The following CHAT variants were observed in gnomAD, a reference collection of about 807,000 sequenced individuals.
CHAT encodes acetyl CoA:choline O-acetyltransferase.
Under a neutral mutation model 76.9 loss-of-function variants are expected in CHAT, and 61 were observed. The observed-to-expected ratio is 0.79, with a 90% CI of 0.65 to 0.98. The LOEUF (loss-of-function observed/expected upper bound fraction) is 0.98, where lower values mean the gene tolerates loss of function less well. Among genes scored for constraint, CHAT ranks in the 50% least tolerant of loss-of-function variants. The pLI, the probability that CHAT is intolerant of heterozygous loss-of-function variation, is 0.00. For synonymous variants in CHAT, 407 were observed against 397.4 expected (o/e 1.02, Z -0.29); for missense variants, 946 against 986.9 (o/e 0.96, Z 0.56).
At chr10:49,634,329 C>T (rs59551969) in intron 7 of CHAT, among the ~76,000 whole-genome samples, 2,931 of 152,294 alleles carry the variant, frequency 0.019, 97 homozygotes, top group African/African-American at 0.065. Context: ...GATGGGCTGG[C>T]GCCTGGCACA....
intron 7 of CHAT, among the ~76,000 whole-genome samples, chr10:49,633,696 A>C (rs907977234): frequency 3.9e-5 from 6 of 152,154 alleles, no homozygotes; most frequent in Admixed American, 3.9e-4. Context: ...CGAGTCTGGG[A>C]GACTACAGCA....
At position 49,636,390 on chromosome 10, in the gene CHAT, T is replaced by C. The variant is rs532708770; in HGVS notation, c.1111+8605T>C. ...TGGTCATGGTGTATAATTCTTTTCA[T>C]ATATTGCTTAATTCTACCTGCTAAT... On this transcript the variant is annotated intron_variant, in intron 7 of 14. Transcript: ENST00000337653. Among the ~76,000 whole-genome samples, 5 of 152,332 alleles carry C rather than the reference T, an allele frequency of 3.3e-5. No individual in the cohort carries two copies. The East Asian group carries it at 9.6e-4, about 29-fold the overall frequency.
intron 10 of CHAT, 80 bp downstream of exon 10, chr10:49,649,716 G>C (rs1434593651): frequency 1.8e-5 from 28 of 1,548,804 alleles, no homozygotes; most frequent in South Asian, 4.5e-5. Flanking sequence ...AGGCTCCCTG[G>C]AAGTTTCCAA....
At position 49,664,781 on chromosome 10, in the gene CHAT, C is replaced by A; in HGVS notation, c.1982C>A (p.Pro661His). Residue 661 changes from proline (P) to histidine (H), a missense_variant, in exon 15 of 15, where the codon CCC becomes CAC. Physicochemically the swap from Pro to His is moderately conservative, Grantham distance 77. Transcript: ENST00000337653. ...CTGACCTGTCCTCTCCTCCAGGTGC[C>A]CACAACCACGGAGATGTTCTGCTGC... The part of the protein sequence containing the change: ...NRFVLSTSQV[P>H]TTTEMFCCYG... 6.2e-7 allele frequency: 1 copy of A among 1,614,182 alleles called. No homozygotes were observed. Among genetic ancestry groups the A allele is most frequent in the Non-Finnish European group, 8.5e-7 (1 of 1,180,034 alleles).
At chr10:49,619,446 G>T (rs1838616456) in intron 2 of CHAT, among the ~76,000 whole-genome samples, 1 of 152,216 alleles carries the variant, frequency 6.6e-6, no homozygotes, top group African/African-American at 2.4e-5. Flanking sequence ...GCTGGTCAGT[G>T]GCAGGGTCAG....
At chr10:49,632,376 C>T (rs973353255) in intron 7 of CHAT, among the ~76,000 whole-genome samples, 7 of 152,130 alleles carry the variant, frequency 4.6e-5, no homozygotes, top group African/African-American at 1.7e-4. Flanking sequence ...GCTGTTGGGG[C>T]TGAGGTGCTT....
At chr10:49,631,958 T>C (rs892934132) in intron 7 of CHAT, among the ~76,000 whole-genome samples, 1 of 142,670 alleles carries the variant, frequency 7.0e-6, no homozygotes, top group Non-Finnish European at 1.5e-5. Flanking sequence ...AGGGGGATGA[T>C]GGTTATTGGG....
chr10:49,618,709 A>C (rs1838587617), intron 2 of CHAT, among the ~76,000 whole-genome samples: 1 of 152,196 alleles, frequency 6.6e-6, no homozygotes, highest in Non-Finnish European at 1.5e-5. Flanking sequence ...GCTGCTGGTG[A>C]ACTGAGAGGC....
chr10:49,652,471 A>G (rs866076785), intron 11 of CHAT, among the ~76,000 whole-genome samples: 2 of 152,050 alleles, frequency 1.3e-5, no homozygotes, highest in African/African-American at 4.8e-5. Context: ...CCTTTCTCGT[A>G]TCCCCGCACA....
chr10:49,613,964 C>G (rs1838373658), upstream of CHAT: 2 of 756,048 alleles, frequency 2.6e-6, no homozygotes, highest in Non-Finnish European at 4.3e-6. Flanking sequence ...TTCCTCAGAC[C>G]CAACCCTCTC....
intron 7 of CHAT, among the ~76,000 whole-genome samples, chr10:49,639,218 A>G (rs1019490502): frequency 6.6e-6 from 1 of 152,238 alleles, no homozygotes; most frequent in Admixed American, 6.5e-5. Context: ...CTTGGGTGAC[A>G]GAGCGAGACT....
intron 8 of CHAT, 50 bp downstream of exon 8, chr10:49,646,724 AGAGT>A (rs749546192): frequency 2.8e-5 from 45 of 1,598,246 alleles, no homozygotes; most frequent in Non-Finnish European, 3.4e-5. Flanking sequence ...CCCCAGCGAG[AGAGT>A]GAGTAGGCAA....
chr10:49,628,138 G>T (rs1028030788), intron 7 of CHAT, among the ~76,000 whole-genome samples: 1 of 151,956 alleles, frequency 6.6e-6, no homozygotes, highest in Non-Finnish European at 1.5e-5. Context: ...TGGGGGAGTC[G>T]CTGAATGGGG....
At chr10:49,619,561 A>G (rs1466401465) in intron 2 of CHAT, among the ~76,000 whole-genome samples, 164 bp from the exon 3 acceptor site, 2 of 152,130 alleles carry the variant, frequency 1.3e-5, no homozygotes, top group Non-Finnish European at 2.9e-5. Flanking sequence ...CCAAACAGGA[A>G]CTTCCTAAAT....
chr10:49,617,367 G>C (rs996759425), intron 2 of CHAT, among the ~76,000 whole-genome samples: 1 of 152,162 alleles, frequency 6.6e-6, no homozygotes, highest in Non-Finnish European at 1.5e-5. Context: ...AGCAGGCTCT[G>C]TTTCTCCATC....
At position 49,665,534 on chromosome 10, in the gene CHAT, C is replaced by G. The variant is rs1452040066; in HGVS notation, c.*488C>G. On this transcript the variant is annotated 3_prime_UTR_variant, in exon 15 of 15. Coordinates refer to ENST00000337653, the MANE Select transcript of CHAT (RefSeq NM_020549.5). ...GGAGAGGAGGCTGTGTTTTGAGATT[C>G]AGAGCATTCTTATCGTGGCATTCCC... 6.6e-6 allele frequency among the ~76,000 whole-genome samples: 1 copy of G among 152,046 alleles called. No individual in the cohort carries two copies. Among genetic ancestry groups the G allele is most frequent in the African/African-American group, 2.4e-5 (1 of 41,392 alleles).
rs938030679 is a variant in CHAT at position 49,667,031 on chromosome 10, C to A, written c.*1985C>A. ...ACCTCGGCCAAATGACATGCATGCC[C>A]AGAGACGCAGTTCCTTCCACTGTCA... On this transcript the variant is annotated 3_prime_UTR_variant, in exon 15 of 15. Transcript: ENST00000337653. Among the ~76,000 whole-genome samples, 1 of 152,202 alleles carries A rather than the reference C, an allele frequency of 6.6e-6. No individual in the cohort carries two copies. Among genetic ancestry groups the A allele is most frequent in the African/African-American group, 2.4e-5 (1 of 41,446 alleles).
rs1380289034 is a variant in CHAT at position 49,616,550 on chromosome 10, T to C, written c.335T>C (p.Leu112Pro). ...CCAGGACTCACCAAGACGCCCATCC[T>C]GGAAAAGGTCCCCCGTAAGATGGCA... is the stretch of plus-strand genomic sequence containing the variant. Reference protein sequence around the residue: ...PAPGLTKTPILEKVPRKMAAK... With the variant: ...PAPGLTKTPIPEKVPRKMAAK... Residue 112 changes from leucine (L) to proline (P), a missense_variant, in exon 2 of 15, where the codon CTG (leucine) becomes CCG (proline). Coordinates refer to ENST00000337653, the MANE Select transcript of CHAT (RefSeq NM_020549.5). 2 of 1,613,268 alleles carry C rather than the reference T, an allele frequency of 1.2e-6. No homozygotes were observed. Among genetic ancestry groups the C allele is most frequent in the East Asian group, 2.2e-5 (1 of 44,832 alleles).
chr10:49,629,754 G>A (rs559697469), intron 7 of CHAT, among the ~76,000 whole-genome samples: 24 of 152,336 alleles, frequency 1.6e-4, no homozygotes, highest in Non-Finnish European at 2.4e-4. Flanking sequence ...TGGGTAATCC[G>A]ATTAATCCAG....
Sources: gnomAD v4.1 joint callset for allele counts (sites outside exome capture counted in the v4.1 genomes callset) on GRCh38, gnomAD v4.1.1 for gene constraint, MANE v1.5 for transcripts, NCBI Gene and HGNC (gene_info 2026-07-23, HGNC 2026-07-21) for gene names.